ZNF518A: variants seen among roughly 807,000 people sequenced by gnomAD.
The protein encoded by ZNF518A is zinc finger protein 518A, also known as zinc finger protein 518.
Under a neutral mutation model 102.7 loss-of-function variants are expected in ZNF518A, and 47 were observed. That is an observed-to-expected ratio of 0.46 (90% CI 0.36 to 0.58). The LOEUF is 0.58. Ranked by LOEUF, ZNF518A falls within the 20% of genes least tolerant of loss-of-function variation. The pLI is 0.00. For synonymous variants in ZNF518A, 652 were observed against 594.6 expected (o/e 1.10, Z -1.40); for missense variants, 1,793 against 1,699.8 (o/e 1.05, Z -0.96).
In ZNF518A at chr10:96,179,353, A is replaced by T. The variant is rs142572347; in HGVS notation, n.35+23306A>T. ...AGGAACAGATTCCTCAAAAAAGAGGATATATGGGCACATGAAAAGATACTC... is the reference window on the plus strand; with the variant it reads ...AGGAACAGATTCCTCAAAAAAGAGGTTATATGGGCACATGAAAAGATACTC... On this transcript the variant is annotated intron_variant and non_coding_transcript_variant, in intron 1 of 2. Coordinates refer to the ZNF518A transcript ENST00000442635. 1.8e-4 allele frequency among the ~76,000 whole-genome samples: 28 copies of T among 152,322 alleles called. No individual in the cohort carries two copies. In the East Asian group the frequency reaches 5.0e-3, roughly 27 times the overall value.
downstream of ZNF518A, among the ~76,000 whole-genome samples, chr10:96,164,649 G>A (rs2083106733): frequency 6.6e-6 from 1 of 152,092 alleles, no homozygotes; most frequent in African/African-American, 2.4e-5. Flanking sequence ...TCCAAATTTA[G>A]GAATCTTTTT....
chr10:96,158,690 G>A lies in ZNF518A; in HGVS notation c.2368G>A (p.Val790Ile), dbSNP rs1334051230. 1.2e-6 allele frequency: 2 copies of A among 1,613,314 alleles called. No homozygotes were observed. The highest frequency in any genetic ancestry group is 1.7e-6 in the Non-Finnish European group (2 of 1,179,590). Residue 790 changes from valine to isoleucine, a missense_variant, in exon 6 of 6, where the codon GTA becomes ATA. Coordinates refer to ENST00000316045, the MANE Select transcript of ZNF518A (RefSeq NM_001330736.2). ...TGAAGTAAACCAATTGCTTCAGGAT[G>A]TATTGAAAATAAAACCTGATGTAAA... ...PPEVNQLLQD[V>I]LKIKPDVKQD...
intron 3 of ZNF518A, among the ~76,000 whole-genome samples, chr10:96,148,162 G>A (rs1189884894): frequency 6.6e-6 from 1 of 151,974 alleles, no homozygotes; most frequent in Admixed American, 6.6e-5. Context: ...TGTCTTGGCC[G>A]GGCGCGGTGG....
downstream of ZNF518A, among the ~76,000 whole-genome samples, chr10:96,167,252 G>C (rs1239760312): frequency 6.6e-6 from 1 of 152,140 alleles, no homozygotes; most frequent in Non-Finnish European, 1.5e-5. Context: ...CTTGAGGCCA[G>C]GAGTTTGAGA....
At chr10:96,134,118 C>T (rs772160292) in intron 3 of ZNF518A, among the ~76,000 whole-genome samples, 1 of 152,200 alleles carries the variant, frequency 6.6e-6, no homozygotes, top group African/African-American at 2.4e-5. Flanking sequence ...CAAAGGCAAT[C>T]ATCACTGGAA....
chr10:96,154,140 G>A (rs2082582135), intron 3 of ZNF518A, among the ~76,000 whole-genome samples: 1 of 152,156 alleles, frequency 6.6e-6, no homozygotes, highest in Non-Finnish European at 1.5e-5. Context: ...CACCCAGCCT[G>A]GGCAACATGG....
At chr10:96,175,899 C>G (rs1331918052) in intron 1 of ZNF518A, among the ~76,000 whole-genome samples, 1 of 131,748 alleles carries the variant, frequency 7.6e-6, no homozygotes, top group Non-Finnish European at 1.6e-5. Context: ...TCCTTCCTTC[C>G]TTCCTTCCTT....
At chr10:96,172,598 A>G (rs978148167) in intron 1 of ZNF518A, among the ~76,000 whole-genome samples, 1 of 152,090 alleles carries the variant, frequency 6.6e-6, no homozygotes, top group Admixed American at 6.5e-5. Flanking sequence ...TTGATATTTC[A>G]CTGGAATTAA....
Position 96,157,639 on chromosome 10 carries a change from C to A in ZNF518A, c.1317C>A (p.Asn439Lys). Reference protein sequence around the residue: ...MKNNKLAVSPNYNATFMGFKM... With the variant: ...MKNNKLAVSPKYNATFMGFKM... ...ATAATAAACTAGCAGTTTCCCCTAACTATAATGCTACGTTTATGGGCTTCA... is the reference window on the plus strand; with the variant it reads ...ATAATAAACTAGCAGTTTCCCCTAAATATAATGCTACGTTTATGGGCTTCA... The change falls in exon 6 of 6, where the codon AAC (asparagine) becomes AAA (lysine). Residue 439 changes from asparagine to lysine, a missense_variant. Coordinates refer to ENST00000316045, the MANE Select transcript of ZNF518A (RefSeq NM_001330736.2). 11 of 1,613,852 alleles carry A rather than the reference C, an allele frequency of 6.8e-6. No individual in the cohort carries two copies. Among genetic ancestry groups the A allele is most frequent in the Middle Eastern group, 1.6e-4 (1 of 6,062 alleles).
At position 96,158,066 on chromosome 10, in the gene ZNF518A, C is replaced by G. The variant is rs782105841; in HGVS notation, c.1744C>G (p.His582Asp). The G allele has an allele frequency of 1.7e-5, 27 of 1,613,544 alleles. No individual in the cohort carries two copies. Among genetic ancestry groups the G allele is most frequent in the Non-Finnish European group, 2.3e-5 (27 of 1,179,766 alleles). ...AGATAATGTTGACTTCTGGGGAAAT[C>G]ATCTCACTCAGAGTCACCCCGAGGT... is the stretch of plus-strand genomic sequence containing the variant. Reference protein sequence around the residue: ...TRDNVDFWGNHLTQSHPEVLG... With the variant: ...TRDNVDFWGNDLTQSHPEVLG... Residue 582 changes from histidine to aspartate, a missense_variant, in exon 6 of 6, where the codon CAT becomes GAT. By Grantham distance (81) the His-to-Asp change is moderately conservative (BLOSUM62 -1). This residue lies in a region of ZNF518A where 1,741 missense variants were observed against 1,622.6 expected (regional missense o/e 1.07). Coordinates refer to ENST00000316045, the MANE Select transcript of ZNF518A (RefSeq NM_001330736.2).
intron 3 of ZNF518A, among the ~76,000 whole-genome samples, chr10:96,134,005 C>T (rs1296373041): frequency 6.6e-6 from 1 of 152,188 alleles, no homozygotes; most frequent in Non-Finnish European, 1.5e-5. Flanking sequence ...TAAAGTAATT[C>T]TGAATGCTAA....
At chr10:96,204,423 G>A, downstream of ZNF518A, 1 of 1,248,332 alleles carries the variant, frequency 8.0e-7, no homozygotes, top group South Asian at 1.2e-5. Context: ...ATGAAATGTT[G>A]GATTTTTACC....
At position 96,158,103 on chromosome 10, in the gene ZNF518A, C is replaced by A; in HGVS notation, c.1781C>A (p.Thr594Asn). 1 of 1,613,482 alleles carries A rather than the reference C, an allele frequency of 6.2e-7. No homozygotes were observed. The highest frequency in any genetic ancestry group is 8.5e-7 in the Non-Finnish European group (1 of 1,179,676). Residue 594 changes from threonine (T) to asparagine (N), a missense_variant, in exon 6 of 6, where the codon ACC (threonine) becomes AAC (asparagine). Thr to Asn is a moderately conservative substitution (Grantham distance 65). This residue lies in a region of ZNF518A where 1,741 missense variants were observed against 1,622.6 expected (regional missense o/e 1.07). Transcript: ENST00000316045. Reference protein sequence around the residue: ...TQSHPEVLGTTIKSPDKVNCV... With the variant: ...TQSHPEVLGTNIKSPDKVNCV... The stretch of plus-strand genomic sequence containing the variant: ...AGTCACCCCGAGGTATTAGGTACCA[C>A]CATTAAAAGTCCAGATAAAGTCAAC...
chr10:96,141,524 G>A (rs587755589), intron 3 of ZNF518A, among the ~76,000 whole-genome samples: 1 of 152,214 alleles, frequency 6.6e-6, no homozygotes, highest in African/African-American at 2.4e-5. Context: ...TAGTTTCAGG[G>A]AGTAATAAAG....
rs1404796852 is a variant in ZNF518A, at chr10:96,158,801, G to T, written c.2479G>T (p.Val827Phe). The change falls in exon 6 of 6, where the codon GTT becomes TTT. Residue 827 changes from valine to phenylalanine, a missense_variant. Transcript: ENST00000316045. The stretch of plus-strand genomic sequence containing the variant: ...AAAACACGAGAGAGAAGGCAAAATT[G>T]TTGAATCTTCGAAAGATTTCAAAGT... ...FQKHEREGKI[V>F]ESSKDFKVQG... The T allele has an allele frequency of 6.2e-7, 1 of 1,613,728 alleles. No homozygotes were observed.
In ZNF518A at chr10:96,144,691, AAAATT is replaced by A. The variant is rs587632452; in HGVS notation, c.-301-10631_-301-10627del. 7.1e-3 allele frequency among the ~76,000 whole-genome samples: 1,083 copies of A among 152,292 alleles called. 5 individuals are homozygous for A. Among genetic ancestry groups the A allele is most frequent in the Non-Finnish European group, 0.012 (836 of 68,024 alleles). On this transcript the variant is annotated intron_variant, in intron 3 of 5. Coordinates refer to ENST00000316045, the MANE Select transcript of ZNF518A (RefSeq NM_001330736.2). ...TCTGTATAATTTTAAGGAAAGAACA[AAAATT>A]AAACTGTTGTCAGTAGTTTGGTTAG...
intron 1 of ZNF518A, among the ~76,000 whole-genome samples, chr10:96,175,887 C>A (rs2083201240): frequency 3.1e-5 from 2 of 64,494 alleles, no homozygotes. Context: ...CCCTTCCTTC[C>A]TTCCTTCCTT....
chr10:96,189,191 T>C (rs2083292201), intron 1 of ZNF518A, among the ~76,000 whole-genome samples: 1 of 152,228 alleles, frequency 6.6e-6, no homozygotes, highest in Non-Finnish European at 1.5e-5. Context: ...TCTTTAATAA[T>C]GAAACAGGCA....
At chr10:96,143,083 C>T (rs2082016696) in intron 3 of ZNF518A, among the ~76,000 whole-genome samples, 1 of 152,186 alleles carries the variant, frequency 6.6e-6, no homozygotes. Flanking sequence ...GTTGGGATTA[C>T]AAGCATGAGC....
Sources: gnomAD v4.1 joint callset for allele counts (sites outside exome capture counted in the v4.1 genomes callset) on GRCh38, gnomAD v4.1.1 for gene constraint, gnomAD v4.1.1 regional missense constraint, MANE v1.5 for transcripts, NCBI Gene and HGNC (gene_info 2026-07-23, HGNC 2026-07-21) for gene names.